MCC: variants seen among roughly 807,000 people sequenced by gnomAD.
MCC encodes MCC regulator of Wnt signaling pathway.
Under a neutral mutation model 116.2 loss-of-function variants are expected in MCC, and 90 were observed. The observed-to-expected ratio is 0.77, with a 90% CI of 0.65 to 0.92. The LOEUF (loss-of-function observed/expected upper bound fraction) is 0.92, where lower values mean the gene tolerates loss of function less well. MCC is among the 40% of genes least tolerant of loss of function. The pLI is 0.00. For synonymous variants in MCC, 578 were observed against 510.5 expected (o/e 1.13, Z -1.78); for missense variants, 1,516 against 1,312.2 (o/e 1.16, Z -2.40).
In MCC at chr5:113,215,724, G is replaced by A. The variant is rs145013011; in HGVS notation, c.628-64302C>T. On this transcript the variant is annotated intron_variant, in intron 3 of 18. Coordinates refer to ENST00000408903, the MANE Select transcript of MCC (RefSeq NM_001085377.2). Reference sequence around the variant, plus strand: ...GCCTGCCGGCGCAATGATCTTGGACGTTCCCAGCTTCCAGAAATAATAAAT... The same window carrying A: ...GCCTGCCGGCGCAATGATCTTGGACATTCCCAGCTTCCAGAAATAATAAAT... 3.9e-3 allele frequency among the ~76,000 whole-genome samples: 598 copies of A among 152,290 alleles called. 2 individuals are homozygous for A. Among genetic ancestry groups the A allele is most frequent in the South Asian group, 0.013 (62 of 4,828 alleles).
At chr5:113,089,335 C>T (rs1289691536) in intron 8 of MCC, among the ~76,000 whole-genome samples, 2 of 152,192 alleles carry the variant, frequency 1.3e-5, no homozygotes, top group Non-Finnish European at 2.9e-5. Context: ...AATGGGGAGA[C>T]TCTGGAAGGT....
At chr5:113,255,010 C>G (rs1380890073) in intron 3 of MCC, among the ~76,000 whole-genome samples, 2 of 152,084 alleles carry the variant, frequency 1.3e-5, no homozygotes, top group African/African-American at 4.8e-5. Flanking sequence ...ACTAAAAATA[C>G]AAAAATTAGC....
chr5:113,116,284 T>C (rs1757388511), intron 6 of MCC, among the ~76,000 whole-genome samples: 1 of 152,140 alleles, frequency 6.6e-6, no homozygotes, highest in Non-Finnish European at 1.5e-5. Flanking sequence ...CAAAATATTT[T>C]CTCATAGCAG....
intron 2 of MCC, among the ~76,000 whole-genome samples, chr5:113,351,863 G>T (rs1768276863): frequency 6.6e-6 from 1 of 152,064 alleles, no homozygotes; most frequent in South Asian, 2.1e-4. Context: ...CAACTGTTCT[G>T]GGGTAAGACA....
intron 6 of MCC, among the ~76,000 whole-genome samples, chr5:113,109,374 T>G (rs947962785): frequency 6.6e-6 from 1 of 152,206 alleles, no homozygotes; most frequent in Non-Finnish European, 1.5e-5. Context: ...ACATGAACCC[T>G]GAAAACATTA....
chr5:113,043,966 T>C (rs1031655372), intron 16 of MCC, among the ~76,000 whole-genome samples: 3 of 150,282 alleles, frequency 2.0e-5, no homozygotes, highest in Non-Finnish European at 3.0e-5. Context: ...GAACTATCAT[T>C]ATCTCCATTT....
intron 1 of MCC, among the ~76,000 whole-genome samples, chr5:113,387,077 G>A (rs1199481753): frequency 1.3e-5 from 2 of 151,964 alleles, no homozygotes; most frequent in Non-Finnish European, 2.9e-5. Flanking sequence ...TGTTGAGCTT[G>A]TCCCCTTTTG....
At chr5:113,101,009 A>G (rs1756373619) in intron 8 of MCC, among the ~76,000 whole-genome samples, 1 of 152,242 alleles carries the variant, frequency 6.6e-6, no homozygotes, top group South Asian at 2.1e-4. Flanking sequence ...CTGGGATTAA[A>G]AACTTCACCT....
intron 14 of MCC, among the ~76,000 whole-genome samples, chr5:113,054,920 G>A (rs1278837497): frequency 6.6e-6 from 1 of 152,198 alleles, no homozygotes. Context: ...GCTGCTCCCC[G>A]TGCCTCCGAA....
chr5:113,069,838 G>A (rs900049277), intron 12 of MCC, among the ~76,000 whole-genome samples: 9 of 152,134 alleles, frequency 5.9e-5, no homozygotes, highest in East Asian at 3.9e-4. Flanking sequence ...CGCCCGCCTC[G>A]GCCTCCTAAA....
intron 3 of MCC, among the ~76,000 whole-genome samples, chr5:113,171,129 T>G (rs1761050988): frequency 6.6e-6 from 1 of 151,846 alleles, no homozygotes; most frequent in Non-Finnish European, 1.5e-5. Flanking sequence ...AGCTCCTGAG[T>G]CAAGTTTAGC....
At position 113,034,783 on chromosome 5, in the gene MCC, G is replaced by C. The variant is rs76951956; in HGVS notation, c.2757-5727C>G. On this transcript the variant is annotated intron_variant, in intron 17 of 18. Coordinates refer to ENST00000408903, the MANE Select transcript of MCC (RefSeq NM_001085377.2). ...GAGCTCCAAGTTGTTGCATCCAGCG[G>C]TCTGGTCCCTTCTGTCCTTTTCTTA... Among the ~76,000 whole-genome samples, 878 of 152,294 alleles carry C rather than the reference G, an allele frequency of 5.8e-3. 5 individuals carry two copies. Among genetic ancestry groups the C allele is most frequent in the African/African-American group, 0.02 (829 of 41,564 alleles).
intron 5 of MCC, among the ~76,000 whole-genome samples, chr5:113,138,186 T>C (rs887643798): frequency 4.6e-5 from 7 of 151,552 alleles, no homozygotes; most frequent in African/African-American, 1.5e-4. Context: ...CCAGCTAACT[T>C]TTGTATTTTT....
intron 3 of MCC, among the ~76,000 whole-genome samples, chr5:113,285,565 G>C (rs1766220697): frequency 6.6e-6 from 1 of 152,064 alleles, no homozygotes; most frequent in Non-Finnish European, 1.5e-5. Flanking sequence ...CATAGCAAGA[G>C]TGCCCTGGGC....
At position 113,434,891 on chromosome 5, in the gene MCC, G is replaced by C. The variant is rs1469586312; in HGVS notation, c.171-49679C>G. 1 of 1,560,020 alleles carries C rather than the reference G, an allele frequency of 6.4e-7. No homozygotes were observed. The highest frequency in any genetic ancestry group is 8.7e-7 in the Non-Finnish European group (1 of 1,151,842). ...AGGCTGCCCTCTACAGCCCCGAGGC[G>C]CATGGGCCAGCAGTGTGCTCATTTA... On this transcript the variant is annotated intron_variant, in intron 1 of 18. Coordinates refer to ENST00000408903, the MANE Select transcript of MCC (RefSeq NM_001085377.2). This position sits in a 1 kb window ranked among gnomAD's most constrained non-coding sequence, Gnocchi z 4.2.
chr5:113,129,116 G>C (rs1186311256), intron 5 of MCC, among the ~76,000 whole-genome samples: 1 of 152,190 alleles, frequency 6.6e-6, no homozygotes, highest in Non-Finnish European at 1.5e-5. Flanking sequence ...GAAGGGTTGA[G>C]TGCCAATCCT....
At chr5:113,072,775 C>T (rs1201162153) in intron 11 of MCC, among the ~76,000 whole-genome samples, 2 of 152,224 alleles carry the variant, frequency 1.3e-5, no homozygotes, top group East Asian at 3.8e-4. Context: ...TGTTATTAGG[C>T]AGGTATGCTC....
At chr5:113,319,862 C>T (rs776018248) in intron 3 of MCC, among the ~76,000 whole-genome samples, 4 of 152,146 alleles carry the variant, frequency 2.6e-5, no homozygotes, top group South Asian at 2.1e-4. Context: ...TGGAGAAGAC[C>T]GGCTGGAAGT....
intron 3 of MCC, among the ~76,000 whole-genome samples, chr5:113,153,086 T>C (rs1222351324): frequency 6.6e-6 from 1 of 152,166 alleles, no homozygotes; most frequent in Non-Finnish European, 1.5e-5. Flanking sequence ...AGTCTGAGGA[T>C]TTTTCTTCAG....
Sources: allele counts gnomAD v4.1 joint callset (sites outside exome capture counted in the v4.1 genomes callset), GRCh38; gene constraint gnomAD v4.1.1; non-coding constraint Gnocchi (gnomAD v3.1); transcripts MANE v1.5; gene names NCBI Gene and HGNC (gene_info 2026-07-23, HGNC 2026-07-21).